Variants in TCF4 observed in about 807,000 individuals in gnomAD.
TCF4 encodes the protein transcription factor 4.
A neutral mutation model predicts 82.1 loss-of-function variants in TCF4; 3 were observed. That is an observed-to-expected ratio of 0.04 (90% CI 0.02 to 0.09). The LOEUF (loss-of-function observed/expected upper bound fraction) is 0.09, where lower values mean the gene tolerates loss of function less well. TCF4 is among the 10% of genes least tolerant of loss of function. The pLI, the probability that TCF4 is intolerant of heterozygous loss-of-function variation, is 1.00. For synonymous variants in TCF4, 276 were observed against 309.6 expected (o/e 0.89, Z 1.14); for missense variants, 518 against 852.7 (o/e 0.61, Z 4.89).
rs370453680 is a variant in TCF4 at position 55,279,582 on chromosome 18, G to A, written c.624C>T (p.Thr208=). Reference sequence around the variant, plus strand: ...TGAAGAAGGAGCTAGGGAAAGTGCTGGTTGCTGGTTTGGAGGAAGGATAGC... The same window carrying A: ...TGAAGAAGGAGCTAGGGAAAGTGCTAGTTGCTGGTTTGGAGGAAGGATAGC... ...SPGYPSSKPA[T]STFPSSFFMQ... The change falls in exon 9 of 20, where the codon ACC becomes ACT. Residue 208 remains threonine (T), a synonymous_variant. Coordinates refer to ENST00000354452, the MANE Select transcript of TCF4 (RefSeq NM_001083962.2). The A allele has an allele frequency of 2.5e-6, 4 of 1,613,812 alleles. No homozygotes were observed. The highest frequency in any genetic ancestry group is 2.7e-5 in the African/African-American group (2 of 74,892).
At chr18:55,361,633 G>T (rs1465621593) in intron 6 of TCF4, among the ~76,000 whole-genome samples, 1 of 152,130 alleles carries the variant, frequency 6.6e-6, no homozygotes, top group Non-Finnish European at 1.5e-5. Context: ...TGCTGGGGAG[G>T]TCCACTCCTC....
chr18:55,366,195 T>C (rs937437981), intron 6 of TCF4, among the ~76,000 whole-genome samples: 2 of 152,220 alleles, frequency 1.3e-5, no homozygotes, highest in Non-Finnish European at 2.9e-5. Flanking sequence ...AAAAGGTAGA[T>C]ATTTATTTAT....
intron 6 of TCF4, chr18:55,401,412 C>T (rs1603446966): frequency 9.3e-7 from 1 of 1,070,276 alleles, no homozygotes; most frequent in East Asian, 7.6e-5. Flanking sequence ...TCCACGGCTA[C>T]ATTACGAAGG....
chr18:55,480,296 A>AAAAAGG (rs1568175293), intron 3 of TCF4, among the ~76,000 whole-genome samples: 7 of 63,354 alleles, frequency 1.1e-4, no homozygotes, highest in Non-Finnish European at 1.5e-4. Context: ...AAAAAAAAAA[A>AAAAAGG]GCGGGGGGGC....
intron 6 of TCF4, among the ~76,000 whole-genome samples, chr18:55,379,379 G>A (rs2145818073): frequency 6.6e-6 from 1 of 152,334 alleles, no homozygotes; most frequent in Admixed American, 6.5e-5. Context: ...GTCCACTGAA[G>A]CCTCTGAAGT....
rs547243098 is a variant in TCF4 at position 55,516,446 on chromosome 18, C to G, written c.146-52309G>C. 6.6e-5 allele frequency among the ~76,000 whole-genome samples: 10 copies of G among 151,574 alleles called. 1 individual carries two copies. The South Asian group carries it at 2.1e-3, about 32-fold the overall frequency. On this transcript the variant is annotated intron_variant, in intron 3 of 19. Coordinates refer to ENST00000354452, the MANE Select transcript of TCF4 (RefSeq NM_001083962.2). ...AGCTACAGCTTCCCATTAGGTGAAC[C>G]CAACCAGAAGACTGAGAGAACGAGA...
chr18:55,258,344 T>C (rs930057714), intron 13 of TCF4, among the ~76,000 whole-genome samples: 1 of 152,186 alleles, frequency 6.6e-6, no homozygotes, highest in Admixed American at 6.5e-5. Flanking sequence ...CATGATGCAT[T>C]ACCAAGACCC....
chr18:55,341,586 T>C (rs1050660068), intron 8 of TCF4, among the ~76,000 whole-genome samples: 2 of 152,150 alleles, frequency 1.3e-5, no homozygotes, highest in Admixed American at 6.6e-5. Flanking sequence ...ACTTGAAAGG[T>C]CTTTTTATGT....
At chr18:55,477,836 A>T (rs2096328703) in intron 3 of TCF4, among the ~76,000 whole-genome samples, 1 of 152,198 alleles carries the variant, frequency 6.6e-6, no homozygotes, top group Non-Finnish European at 1.5e-5. Context: ...GTTTAATCAC[A>T]TCAAATTCCT....
At chr18:55,335,124 C>A (rs1470113561) in intron 8 of TCF4, among the ~76,000 whole-genome samples, 1 of 152,126 alleles carries the variant, frequency 6.6e-6, no homozygotes, top group Non-Finnish European at 1.5e-5. Flanking sequence ...GGACTCACAC[C>A]CAGGGAAACC....
At chr18:55,282,303 ACT>A (rs2062782561) in intron 8 of TCF4, among the ~76,000 whole-genome samples, 1 of 151,928 alleles carries the variant, frequency 6.6e-6, no homozygotes, top group African/African-American at 2.4e-5. Context: ...CAGAAACATC[ACT>A]CTTATTTTTC....
At chr18:55,255,445 T>G (rs2056558688) in intron 14 of TCF4, among the ~76,000 whole-genome samples, 1 of 152,134 alleles carries the variant, frequency 6.6e-6, no homozygotes, top group South Asian at 2.1e-4. Context: ...ATTCGCAACT[T>G]TAAACCATTA....
rs1248173869 is a variant in TCF4, at chr18:55,588,020, G to A, written c.-21+18C>T. The stretch of plus-strand genomic sequence containing the variant: ...GGGCGCCTCCGCCCCGCCGAGCCCC[G>A]CAGGCGCCGGTACCTACCGCCCGCG... On this transcript the variant is annotated intron_variant, in intron 1 of 19. Transcript: ENST00000354452. The A allele has an allele frequency of 3.1e-6, 3 of 981,130 alleles. No individual in the cohort carries two copies. The highest frequency in any genetic ancestry group is 9.1e-5 in the South Asian group (2 of 22,044). 60.8% of individuals were successfully genotyped at this position (981,130 alleles called of 1,614,324 possible).
intron 5 of TCF4, among the ~76,000 whole-genome samples, chr18:55,415,869 T>C (rs182627909): frequency 2.0e-5 from 3 of 152,368 alleles, no homozygotes; most frequent in African/African-American, 4.8e-5. Flanking sequence ...GTATATTGAA[T>C]TACACTTAGC....
chr18:55,406,275 T>C (rs904072728), intron 5 of TCF4, among the ~76,000 whole-genome samples: 6 of 152,088 alleles, frequency 3.9e-5, no homozygotes, highest in Non-Finnish European at 8.8e-5. Flanking sequence ...TTATTACATC[T>C]TTTTGTTCCC....
At chr18:55,579,252 G>A (rs537358484) in intron 3 of TCF4, among the ~76,000 whole-genome samples, 33 of 151,716 alleles carry the variant, frequency 2.2e-4, no homozygotes, top group African/African-American at 7.5e-4. Flanking sequence ...ATTGGCTCAC[G>A]AATGTACAAA....
At chr18:55,362,700 G>GTGATC (rs1302990574) in intron 6 of TCF4, among the ~76,000 whole-genome samples, 1 of 152,204 alleles carries the variant, frequency 6.6e-6, no homozygotes, top group Non-Finnish European at 1.5e-5. Flanking sequence ...GAATAGGACT[G>GTGATC]TGATCTTTAA....
At chr18:55,445,326 G>T (rs2095506842) in intron 5 of TCF4, among the ~76,000 whole-genome samples, 1 of 151,834 alleles carries the variant, frequency 6.6e-6, no homozygotes, top group Non-Finnish European at 1.5e-5. Context: ...ACAATTTATA[G>T]ATTTTAATTA....
intron 8 of TCF4, among the ~76,000 whole-genome samples, chr18:55,318,554 G>A (rs1253348798): frequency 6.6e-6 from 1 of 152,108 alleles, no homozygotes; most frequent in Non-Finnish European, 1.5e-5. Context: ...CTCACCTGAG[G>A]AGAAACTGAT....
Sources: gnomAD v4.1 joint callset for allele counts (sites outside exome capture counted in the v4.1 genomes callset) on GRCh38, gnomAD v4.1.1 for gene constraint, MANE v1.5 for transcripts, NCBI Gene and HGNC (gene_info 2026-07-23, HGNC 2026-07-21) for gene names.